COL22A1: variants seen among roughly 807,000 people sequenced by gnomAD.
The protein encoded by COL22A1 is collagen type XXII alpha 1 chain, also known as collagen alpha-1(XXII) chain.
Under a neutral mutation model 248.9 loss-of-function variants are expected in COL22A1, and 221 were observed. That is an observed-to-expected ratio of 0.89 (90% confidence interval 0.80 to 0.99). The LOEUF is 0.99. Among genes scored for constraint, COL22A1 ranks in the 50% least tolerant of loss-of-function variants. The probability of loss-of-function intolerance (pLI) is 0.00; values close to 1 mark genes in which losing one functional copy is unlikely to be tolerated. For synonymous variants in COL22A1, 891 were observed against 793.4 expected, an observed-to-expected ratio of 1.12 and a Z score of -2.07; for missense variants, 2,240 against 2,179.0, an observed-to-expected ratio of 1.03 and a Z score of -0.56.
intron 9 of COL22A1, among the ~76,000 whole-genome samples, chr8:138,811,475 C>T (rs1287169141): frequency 6.6e-6 from 1 of 152,120 alleles, no homozygotes; most frequent in Non-Finnish European, 1.5e-5. Flanking sequence ...AATCCTCACT[C>T]ACTGTCTTCT....
intron 22 of COL22A1, among the ~76,000 whole-genome samples, chr8:138,749,365 C>T (rs921202928): frequency 6.6e-6 from 1 of 152,156 alleles, no homozygotes; most frequent in Non-Finnish European, 1.5e-5. Context: ...TTTTAAAAAC[C>T]TTCACAGTCA....
At position 138,679,677 on chromosome 8, in the gene COL22A1, C is replaced by G. The variant is rs1587843961; in HGVS notation, c.3013-1G>C. ...ACCCTCTGACTTTTCCGCAAGCAGCCTGAAAGTAGAAAATCTTCACTCATT... is the reference window on the plus strand; with the variant it reads ...ACCCTCTGACTTTTCCGCAAGCAGCGTGAAAGTAGAAAATCTTCACTCATT... On this transcript the variant is annotated splice_acceptor_variant, in intron 39 of 64. Coordinates refer to ENST00000303045, the MANE Select transcript of COL22A1 (RefSeq NM_152888.3). LOFTEE classifies it high-confidence loss of function. 1 of 1,613,826 alleles carries G rather than the reference C, an allele frequency of 6.2e-7. No homozygotes were observed. Among genetic ancestry groups the G allele is most frequent in the East Asian group, 2.2e-5 (1 of 44,888 alleles).
intron 22 of COL22A1, among the ~76,000 whole-genome samples, chr8:138,742,771 A>G (rs1412280630): frequency 4.4e-5 from 6 of 137,198 alleles, no homozygotes; most frequent in Admixed American, 7.2e-5. Context: ...TGATGGTGGT[A>G]GTGATTGTGA....
chr8:138,911,135 G>C (rs552417178), intron 1 of COL22A1, among the ~76,000 whole-genome samples: 2 of 152,286 alleles, frequency 1.3e-5, no homozygotes, highest in East Asian at 3.9e-4. Flanking sequence ...CCTGTAGTGG[G>C]GGACTCACTC....
In COL22A1 at chr8:138,647,649, C is replaced by T. The variant is rs182582738; in HGVS notation, c.3448-967G>A. Among the ~76,000 whole-genome samples the T allele has an allele frequency of 3.3e-5, 5 of 152,202 alleles. No homozygotes were observed. The East Asian group carries it at 9.7e-4, about 30-fold the overall frequency. On this transcript the variant is annotated intron_variant, in intron 46 of 64. Transcript: ENST00000303045. Reference sequence around the variant, plus strand: ...CTAAGTTCTGTAATACCTGGAGTGTCAGCTGCTTGACTCTGAGAAAGGACT... The same window carrying T: ...CTAAGTTCTGTAATACCTGGAGTGTTAGCTGCTTGACTCTGAGAAAGGACT...
chr8:138,782,294 T>C (rs1292853570), intron 12 of COL22A1, among the ~76,000 whole-genome samples: 1 of 152,160 alleles, frequency 6.6e-6, no homozygotes. Flanking sequence ...ACATGGCTCA[T>C]GCAGCCTTGA....
At chr8:138,904,499 A>G (rs1013521497) in intron 1 of COL22A1, among the ~76,000 whole-genome samples, 2 of 152,130 alleles carry the variant, frequency 1.3e-5, no homozygotes, top group East Asian at 1.9e-4. Flanking sequence ...CATCAGTACA[A>G]GCAAACCTTA....
intron 58 of COL22A1, among the ~76,000 whole-genome samples, chr8:138,605,043 G>T (rs973335878): frequency 6.6e-6 from 1 of 152,164 alleles, no homozygotes; most frequent in South Asian, 2.1e-4. Flanking sequence ...CCAGGATATC[G>T]ATTTTACAAA....
chr8:138,754,846 T>C (rs1333865230), intron 21 of COL22A1, among the ~76,000 whole-genome samples: 1 of 152,136 alleles, frequency 6.6e-6, no homozygotes, highest in Non-Finnish European at 1.5e-5. Context: ...GAATGGAAAA[T>C]AAAACATCAA....
intron 3 of COL22A1, among the ~76,000 whole-genome samples, chr8:138,877,545 A>G (rs1823816714): frequency 6.6e-6 from 1 of 152,128 alleles, no homozygotes; most frequent in African/African-American, 2.4e-5. Context: ...TTCTGACAAC[A>G]GGAATGTCCA....
chr8:138,678,697 C>A (rs1587841986), intron 40 of COL22A1, among the ~76,000 whole-genome samples: 1 of 152,168 alleles, frequency 6.6e-6, no homozygotes, highest in East Asian at 1.9e-4. Flanking sequence ...AGGAAGATTT[C>A]AAGCTGGTAG....
At chr8:138,670,477 C>T (rs1824920667) in intron 41 of COL22A1, among the ~76,000 whole-genome samples, 1 of 152,154 alleles carries the variant, frequency 6.6e-6, no homozygotes, top group African/African-American at 2.4e-5. Flanking sequence ...AAGTAGCATC[C>T]AGACAAGATG....
At chr8:138,640,988 A>T (rs1821635721) in intron 47 of COL22A1, among the ~76,000 whole-genome samples, 1 of 152,108 alleles carries the variant, frequency 6.6e-6, no homozygotes, top group Non-Finnish European at 1.5e-5. Context: ...GACATTCCTA[A>T]GTGTTCGCTG....
rs114484103 is a variant in COL22A1 at position 138,689,404 on chromosome 8, A to G, written c.2809-434T>C. 2.0e-3 allele frequency among the ~76,000 whole-genome samples: 298 copies of G among 152,298 alleles called. 1 individual carries two copies. The highest frequency in any genetic ancestry group is 6.9e-3 in the African/African-American group (288 of 41,588). The stretch of plus-strand genomic sequence containing the variant: ...GACATGGTTTAAGTGCAAGCGTCCC[A>G]TGGATGCAATAGTAGGGAAACAGAG... On this transcript the variant is annotated intron_variant, in intron 36 of 64. Transcript: ENST00000303045.
intron 1 of COL22A1, among the ~76,000 whole-genome samples, chr8:138,913,314 G>C (rs578047870): frequency 8.6e-5 from 13 of 152,040 alleles, no homozygotes; most frequent in African/African-American, 9.7e-5. Flanking sequence ...TTTGACTCTC[G>C]GCGGCCATCG....
intron 58 of COL22A1, among the ~76,000 whole-genome samples, chr8:138,605,371 G>A (rs1320926537): frequency 3.3e-5 from 5 of 152,216 alleles, no homozygotes; most frequent in Non-Finnish European, 7.3e-5. Context: ...TGACTCAGGA[G>A]CAATTGCTGC....
chr8:138,773,325 G>A (rs997414703), intron 16 of COL22A1, among the ~76,000 whole-genome samples: 1 of 152,164 alleles, frequency 6.6e-6, no homozygotes, highest in Non-Finnish European at 1.5e-5. Context: ...GGACCACATT[G>A]GTACTGGATT....
intron 63 of COL22A1, 125 bp from the exon 64 acceptor site, chr8:138,591,626 C>T (rs1036048653): frequency 5.8e-5 from 34 of 581,816 alleles, no homozygotes; most frequent in Non-Finnish European, 8.8e-5. Context: ...CTAAACCACC[C>T]TGAGCACACA....
At chr8:138,686,182 A>C (rs1180016621) in intron 37 of COL22A1, among the ~76,000 whole-genome samples, 1 of 152,242 alleles carries the variant, frequency 6.6e-6, no homozygotes, top group Non-Finnish European at 1.5e-5. Context: ...AACAGAGCCT[A>C]AAGCTGCAAT....
Sources: allele counts gnomAD v4.1 joint callset (sites outside exome capture counted in the v4.1 genomes callset), GRCh38; gene constraint gnomAD v4.1.1; transcripts MANE v1.5; gene names NCBI Gene and HGNC (gene_info 2026-07-23, HGNC 2026-07-21).